GRM7: variants seen among roughly 807,000 people sequenced by gnomAD.
GRM7 encodes metabotropic glutamate receptor 7.
A neutral mutation model predicts 84.5 loss-of-function variants in GRM7; 35 were observed. That is an observed-to-expected ratio of 0.41 (90% CI 0.32 to 0.55). The LOEUF (loss-of-function observed/expected upper bound fraction) is 0.55. GRM7 is among the 20% of genes least tolerant of loss of function. GRM7 has a pLI of 0.19. For missense variants in GRM7, 1,003 were observed against 1,194.6 expected, an observed-to-expected ratio of 0.84 and a Z score of 2.36; for synonymous variants, 487 against 455.1, an observed-to-expected ratio of 1.07 and a Z score of -0.89.
At chr3:6,904,749 C>G (rs1054764218) in intron 1 of GRM7, among the ~76,000 whole-genome samples, 1 of 151,378 alleles carries the variant, frequency 6.6e-6, no homozygotes, top group Non-Finnish European at 1.5e-5. Context: ...GAGATGAGGT[C>G]TCAGTCTGTT....
intron 7 of GRM7, among the ~76,000 whole-genome samples, chr3:7,530,020 C>G (rs1442894286): frequency 6.6e-6 from 1 of 151,316 alleles, no homozygotes; most frequent in African/African-American, 2.4e-5. Flanking sequence ...TATACACGTG[C>G]CATGGTGGTT....
In GRM7 at chr3:7,714,524, A is replaced by G. The variant is rs576351012; in HGVS notation, c.2699-25833A>G. On this transcript the variant is annotated intron_variant, in intron 9 of 9. Transcript: ENST00000357716. ...CATTGTCACCAGGGGCTTGTTAGAA[A>G]TGCATTCACTTAGGTTCCATTGCAG... Among the ~76,000 whole-genome samples the G allele has an allele frequency of 3.3e-5, 5 of 152,286 alleles. No individual in the cohort carries two copies. In the East Asian group the frequency reaches 9.7e-4, roughly 30 times the overall value.
chr3:7,535,156 G>A (rs1012842464), intron 7 of GRM7: 1 of 152,062 alleles, frequency 6.6e-6, no homozygotes, highest in African/African-American at 2.4e-5. Context: ...ATGTTTAAGG[G>A]AGTCTTTTGT....
At chr3:7,325,485 A>T (rs1700948317) in intron 4 of GRM7, among the ~76,000 whole-genome samples, 1 of 152,114 alleles carries the variant, frequency 6.6e-6, no homozygotes, top group Non-Finnish European at 1.5e-5. Flanking sequence ...TTCCCAGGTG[A>T]TGCTGATGCA....
chr3:7,222,565 G>C (rs760128864), intron 2 of GRM7, among the ~76,000 whole-genome samples: 1 of 152,098 alleles, frequency 6.6e-6, no homozygotes, highest in Non-Finnish European at 1.5e-5. Flanking sequence ...AAGGAACTCC[G>C]CCCTGCTGAC....
intron 1 of GRM7, among the ~76,000 whole-genome samples, chr3:6,946,273 C>T (rs1698077118): frequency 1.3e-5 from 2 of 152,196 alleles, no homozygotes; most frequent in Admixed American, 1.3e-4. Context: ...CAGCTTTCTA[C>T]ATATGGCTAG....
intron 2 of GRM7, among the ~76,000 whole-genome samples, chr3:7,294,982 C>G (rs1190445401): frequency 2.6e-5 from 4 of 152,112 alleles, no homozygotes; most frequent in Non-Finnish European, 4.4e-5. Context: ...TCAATGCTGT[C>G]TTTCACAGAA....
At position 6,861,234 on chromosome 3, in the gene GRM7, C is replaced by T. The variant is rs1694742606; in HGVS notation, c.-155C>T. On this transcript the variant is annotated 5_prime_UTR_variant, in exon 1 of 10. Coordinates refer to ENST00000357716, the MANE Select transcript of GRM7 (RefSeq NM_000844.4). This position sits in a 1 kb window ranked among gnomAD's most constrained non-coding sequence, Gnocchi z 6.4. Reference sequence around the variant, plus strand: ...GGCAGGCGCCGCGGGACCCCTCACCCTCTCTGGTCGCCCCTCCCCGGATTC... The same window carrying T: ...GGCAGGCGCCGCGGGACCCCTCACCTTCTCTGGTCGCCCCTCCCCGGATTC... The T allele has an allele frequency of 1.0e-5, 6 of 598,896 alleles. No homozygotes were observed. The Admixed American group carries it at 2.0e-4, about 20-fold the overall frequency. 37.1% of individuals were successfully genotyped at this position (598,896 alleles called of 1,614,324 possible).
At chr3:7,738,544 T>G (rs1371690325) in intron 9 of GRM7, among the ~76,000 whole-genome samples, 1 of 152,212 alleles carries the variant, frequency 6.6e-6, no homozygotes, top group Non-Finnish European at 1.5e-5. Context: ...GATCATATTT[T>G]CTAACCTACT....
At chr3:6,998,165 A>G (rs1694890231) in intron 1 of GRM7, among the ~76,000 whole-genome samples, 1 of 139,796 alleles carries the variant, frequency 7.2e-6, no homozygotes, top group South Asian at 2.5e-4. Context: ...CCTAGATACA[A>G]TGAGGGTACA....
In GRM7 at chr3:6,905,493, G is replaced by T. The variant is rs188803563; in HGVS notation, c.519+43586G>T. Among the ~76,000 whole-genome samples, 18 of 151,928 alleles carry T rather than the reference G, an allele frequency of 1.2e-4. No individual in the cohort carries two copies. In the East Asian group the frequency reaches 3.3e-3, roughly 28 times the overall value. ...CAGATTTAATAGCTTATTTTCTTGG[G>T]TTTCCAAATAAATGAATGATCAAAA... On this transcript the variant is annotated intron_variant, in intron 1 of 9. Coordinates refer to ENST00000357716, the MANE Select transcript of GRM7 (RefSeq NM_000844.4).
intron 1 of GRM7, among the ~76,000 whole-genome samples, chr3:7,061,929 T>A (rs1019889272): frequency 3.3e-5 from 5 of 151,596 alleles, no homozygotes; most frequent in Non-Finnish European, 3.0e-5. Context: ...GCCCCTAACT[T>A]CTTATCTAAT....
chr3:7,007,718 A>T (rs1367913388), intron 1 of GRM7, among the ~76,000 whole-genome samples: 3 of 152,194 alleles, frequency 2.0e-5, no homozygotes, highest in African/African-American at 7.2e-5. Context: ...AAATGATCTG[A>T]TGCCCCACAA....
chr3:7,356,302 T>TA (rs2125097964), intron 4 of GRM7, among the ~76,000 whole-genome samples: 1 of 151,916 alleles, frequency 6.6e-6, no homozygotes, highest in African/African-American at 2.4e-5. Context: ...GGAGGATTTT[T>TA]TTTTTTTTAT....
At chr3:7,324,101 C>A (rs566384260) in intron 4 of GRM7, among the ~76,000 whole-genome samples, 3 of 152,060 alleles carry the variant, frequency 2.0e-5, no homozygotes, top group Non-Finnish European at 4.4e-5. Flanking sequence ...AATCCATGAA[C>A]CACCTGTGAA....
chr3:6,866,792 A>G (rs1694952418), intron 1 of GRM7, among the ~76,000 whole-genome samples: 1 of 152,184 alleles, frequency 6.6e-6, no homozygotes, highest in African/African-American at 2.4e-5. Flanking sequence ...TCCTGGCCCC[A>G]GGGATGAGGT....
intron 8 of GRM7, among the ~76,000 whole-genome samples, chr3:7,602,517 C>CCATCT (rs1696363185): frequency 6.6e-6 from 1 of 152,108 alleles, no homozygotes. Flanking sequence ...AGGAGAGATA[C>CCATCT]CATCTCACAG....
chr3:7,102,915 T>C (rs1237095679), intron 1 of GRM7, among the ~76,000 whole-genome samples: 1 of 151,792 alleles, frequency 6.6e-6, no homozygotes, highest in Non-Finnish European at 1.5e-5. Context: ...TTTTCTTTTA[T>C]ATAGTTTTAT....
In GRM7 at chr3:7,740,934, T is replaced by A. The variant is rs1463786553; in HGVS notation, c.*528T>A. 1 of 152,710 alleles carries A rather than the reference T, an allele frequency of 6.5e-6. No homozygotes were observed. The highest frequency in any genetic ancestry group is 1.9e-4 in the East Asian group (1 of 5,180). The allele number at this position is 152,710 out of a possible 1,614,324, so 9.5% of individuals were successfully genotyped here. A position where few individuals can be genotyped will look rare whatever the true frequency, so the allele number is the denominator to read the frequency against. ...TAAAACAATTAAAATTTTAAAGCAATCTTGGCAGACTAAAACAAGTACATC... is the reference window on the plus strand; with the variant it reads ...TAAAACAATTAAAATTTTAAAGCAAACTTGGCAGACTAAAACAAGTACATC... On this transcript the variant is annotated 3_prime_UTR_variant, in exon 10 of 10. Transcript: ENST00000357716.
Sources: gnomAD v4.1 joint callset for allele counts (sites outside exome capture counted in the v4.1 genomes callset) on GRCh38, gnomAD v4.1.1 for gene constraint, Gnocchi (gnomAD v3.1) non-coding constraint, MANE v1.5 for transcripts, NCBI Gene and HGNC (gene_info 2026-07-23, HGNC 2026-07-21) for gene names.